AGAP1: variants seen among roughly 807,000 people sequenced by gnomAD.
The protein encoded by AGAP1 is ArfGAP with GTPase domain, ankyrin repeat and PH domain 1.
AGAP1 carries 29 observed loss-of-function variants against 105.3 expected under a neutral mutation model. The ratio of observed to expected loss-of-function variants is 0.28; its 90% CI spans 0.21 to 0.38. The LOEUF is 0.38. Among genes scored for constraint, AGAP1 ranks in the 10% least tolerant of loss-of-function variants. The pLI, the probability that AGAP1 is intolerant of heterozygous loss-of-function variation, is 1.00. For synonymous variants in AGAP1, 509 were observed against 485.9 expected, an observed-to-expected ratio of 1.05 and a Z score of -0.63; for missense variants, 998 against 1,165.1, an observed-to-expected ratio of 0.86 and a Z score of 2.09.
chr2:235,978,578 T>A (rs1293836525), intron 13 of AGAP1, among the ~76,000 whole-genome samples: 1 of 152,194 alleles, frequency 6.6e-6, no homozygotes, highest in Non-Finnish European at 1.5e-5. Flanking sequence ...AGTTGAGTAA[T>A]TTGCCCAAGG....
At chr2:235,526,549 A>T (rs1942846396) in intron 1 of AGAP1, among the ~76,000 whole-genome samples, 1 of 152,252 alleles carries the variant, frequency 6.6e-6, no homozygotes, top group African/African-American at 2.4e-5. Flanking sequence ...CTCATTACAT[A>T]AAAAGATTTA....
In AGAP1 at chr2:235,936,917, G is replaced by A. The variant is rs1378877971; in HGVS notation, c.1483+5994G>A. 6.6e-6 allele frequency among the ~76,000 whole-genome samples: 1 copy of A among 151,508 alleles called. No homozygotes were observed. Among genetic ancestry groups the A allele is most frequent in the Non-Finnish European group, 1.5e-5 (1 of 67,922 alleles). ...CCAGATCTTTCTGATTTCAAAGCTT[G>A]TAATCATTCCCCTCTGCTTTTTTTT... On this transcript the variant is annotated intron_variant, in intron 12 of 17. Transcript: ENST00000304032. The surrounding 1 kb of genome is among the most constrained non-coding windows in gnomAD (Gnocchi z 4.7).
In AGAP1 at chr2:235,642,941, G is replaced by T. The variant is rs772259851; in HGVS notation, c.164-66238G>T. ...GCTGCCATGACAAGGCACGGTGGTGGTGGGGACCTGGCAAGGTACCGAACG... is the reference window on the plus strand; with the variant it reads ...GCTGCCATGACAAGGCACGGTGGTGTTGGGGACCTGGCAAGGTACCGAACG... On this transcript the variant is annotated intron_variant, in intron 1 of 17. Coordinates refer to ENST00000304032, the MANE Select transcript of AGAP1 (RefSeq NM_001037131.3). The surrounding 1 kb of genome is among the most constrained non-coding windows in gnomAD (Gnocchi z 4.1). Among the ~76,000 whole-genome samples, 1 of 152,234 alleles carries T rather than the reference G, an allele frequency of 6.6e-6. No homozygotes were observed. Among genetic ancestry groups the T allele is most frequent in the South Asian group, 2.1e-4 (1 of 4,832 alleles).
At chr2:235,790,859 T>G (rs1956934310) in intron 6 of AGAP1, among the ~76,000 whole-genome samples, 1 of 152,222 alleles carries the variant, frequency 6.6e-6, no homozygotes, top group South Asian at 2.1e-4. Flanking sequence ...CCCATTGTCT[T>G]GGAACATGGG....
At position 235,831,809 on chromosome 2, in the gene AGAP1, C is replaced by T. The variant is rs143293944; in HGVS notation, c.1050+24478C>T. Among the ~76,000 whole-genome samples the T allele has an allele frequency of 2.7e-3, 417 of 152,330 alleles. 1 individual carries two copies. Among genetic ancestry groups the T allele is most frequent in the African/African-American group, 9.6e-3 (398 of 41,582 alleles). On this transcript the variant is annotated intron_variant, in intron 9 of 17. Transcript: ENST00000304032. ...TTTTTGTGTGGACCTAAGTTTTCAG[C>T]TCATTTGTGTAAATACCAAAGAACA...
intron 16 of AGAP1, among the ~76,000 whole-genome samples, chr2:236,103,488 GTCTT>G (rs1328047055): frequency 1.3e-5 from 2 of 151,094 alleles, no homozygotes; most frequent in East Asian, 1.9e-4. Context: ...TTGTTTGTTT[GTCTT>G]TCTTTTTTCT....
intron 1 of AGAP1, among the ~76,000 whole-genome samples, chr2:235,544,668 AC>A (rs1943565467): frequency 6.6e-6 from 1 of 152,160 alleles, no homozygotes; most frequent in Admixed American, 6.5e-5. Flanking sequence ...CCTGCTGGGT[AC>A]CCCTGCTGGA....
chr2:235,847,679 C>A (rs558961072), intron 9 of AGAP1, among the ~76,000 whole-genome samples: 1 of 152,220 alleles, frequency 6.6e-6, no homozygotes, highest in Non-Finnish European at 1.5e-5. Context: ...TATTTCAGTA[C>A]CGTCTGTAGA....
chr2:235,839,221 C>G (rs1159778709), intron 9 of AGAP1, among the ~76,000 whole-genome samples: 3 of 152,186 alleles, frequency 2.0e-5, no homozygotes, highest in Non-Finnish European at 4.4e-5. Flanking sequence ...GAACACAAAC[C>G]TGTGCTTTTC....
At chr2:236,117,688 C>T (rs879576907) in intron 16 of AGAP1, among the ~76,000 whole-genome samples, 1 of 152,210 alleles carries the variant, frequency 6.6e-6, no homozygotes, top group Non-Finnish European at 1.5e-5. Context: ...AAAATCTGGA[C>T]GCATCCTTCA....
chr2:236,108,223 T>C (rs977487786), intron 16 of AGAP1, among the ~76,000 whole-genome samples: 1 of 151,866 alleles, frequency 6.6e-6, no homozygotes, highest in Non-Finnish European at 1.5e-5. Flanking sequence ...TGGGCCGGGG[T>C]CTTCCCCTAC....
At chr2:235,502,202 A>G (rs879915731) in intron 1 of AGAP1, among the ~76,000 whole-genome samples, 15 of 152,174 alleles carry the variant, frequency 9.9e-5, no homozygotes, top group Middle Eastern at 3.4e-3. Context: ...TTCTGGTCAC[A>G]AGAGACCATG....
At chr2:236,004,134 T>G (rs996565905) in intron 13 of AGAP1, among the ~76,000 whole-genome samples, 31 of 152,286 alleles carry the variant, frequency 2.0e-4, no homozygotes, top group African/African-American at 7.0e-4. Context: ...TTTGTTACTG[T>G]TTTTCCTGTC....
intron 13 of AGAP1, among the ~76,000 whole-genome samples, chr2:235,984,477 T>C (rs2055222165): frequency 7.1e-6 from 1 of 140,236 alleles, no homozygotes. Context: ...ATTCTTTTTT[T>C]TTTTCCTTTA....
chr2:235,981,995 T>G lies in AGAP1; in HGVS notation c.1645+13372T>G, dbSNP rs531290806. Among the ~76,000 whole-genome samples the G allele has an allele frequency of 2.6e-5, 4 of 152,316 alleles. No individual in the cohort carries two copies. The highest frequency in any genetic ancestry group is 2.1e-4 in the South Asian group (1 of 4,828). ...TATTATGGGTTATCTGAAGAGTGTT[T>G]CTTAATTTTAATAAGTTAATATTCC... On this transcript the variant is annotated intron_variant, in intron 13 of 17. Coordinates refer to ENST00000304032, the MANE Select transcript of AGAP1 (RefSeq NM_001037131.3). This position sits in a 1 kb window ranked among gnomAD's most constrained non-coding sequence, Gnocchi z 5.5.
chr2:235,704,091 C>G (rs961913937), intron 1 of AGAP1, among the ~76,000 whole-genome samples: 2 of 152,230 alleles, frequency 1.3e-5, no homozygotes, highest in African/African-American at 4.8e-5. Context: ...CCCTCTGCGT[C>G]CTCTTGATCT....
chr2:235,588,110 GTC>G (rs1260156586), intron 1 of AGAP1, among the ~76,000 whole-genome samples: 13 of 151,660 alleles, frequency 8.6e-5, no homozygotes, highest in African/African-American at 3.2e-4. Flanking sequence ...CATGCCTGTA[GTC>G]CCAGCTACTC....
intron 12 of AGAP1, among the ~76,000 whole-genome samples, chr2:235,943,773 C>T (rs2053370057): frequency 6.6e-6 from 1 of 152,214 alleles, no homozygotes; most frequent in African/African-American, 2.4e-5. Flanking sequence ...GGTCGAGAGA[C>T]AGCCAGAGAT....
chr2:235,673,688 G>T (rs1041313474), intron 1 of AGAP1, among the ~76,000 whole-genome samples: 1 of 152,098 alleles, frequency 6.6e-6, no homozygotes, highest in African/African-American at 2.4e-5. Context: ...CTAAACTATC[G>T]TAGACCTGCA....
Sources: allele counts gnomAD v4.1 joint callset (sites outside exome capture counted in the v4.1 genomes callset), GRCh38; gene constraint gnomAD v4.1.1; non-coding constraint Gnocchi (gnomAD v3.1); transcripts MANE v1.5; gene names NCBI Gene and HGNC (gene_info 2026-07-23, HGNC 2026-07-21).